BIN3: variants seen among roughly 807,000 people sequenced by gnomAD.
BIN3 encodes bridging integrator 3.
Under a neutral mutation model 38.2 loss-of-function variants are expected in BIN3, and 41 were observed. The ratio of observed to expected loss-of-function variants is 1.07; its 90% CI spans 0.84 to 1.39. The LOEUF is 1.39. Among genes scored for constraint, BIN3 ranks in the 40% most tolerant of loss-of-function variants. BIN3 has a pLI of 0.00. For synonymous variants in BIN3, 145 were observed against 122.6 expected, an observed-to-expected ratio of 1.18 and a Z score of -1.21; for missense variants, 361 against 324.3, an observed-to-expected ratio of 1.11 and a Z score of -0.87.
chr8:22,636,711 G>A (rs1358636071), intron 3 of BIN3, 125 bp from the exon 4 acceptor site: 21 of 1,110,862 alleles, frequency 1.9e-5, no homozygotes, highest in South Asian at 2.8e-5. Context: ...GACTTTTCCC[G>A]CTGACTGAAG....
chr8:22,639,100 C>A (rs981161429), intron 2 of BIN3, among the ~76,000 whole-genome samples: 5 of 152,302 alleles, frequency 3.3e-5, no homozygotes, highest in African/African-American at 1.2e-4. Flanking sequence ...TCGCCAGGGC[C>A]CTTGAAAGTC....
chr8:22,648,894 C>CATATGTATGTAT (rs369500575), intron 1 of BIN3, among the ~76,000 whole-genome samples: 9 of 147,902 alleles, frequency 6.1e-5, no homozygotes, highest in African/African-American at 2.0e-4. Flanking sequence ...TCCACATCAA[C>CATATGTATGTAT]GTATGTATGT....
chr8:22,627,486 G>T (rs1170515992), intron 6 of BIN3, among the ~76,000 whole-genome samples: 1 of 152,190 alleles, frequency 6.6e-6, no homozygotes, highest in East Asian at 1.9e-4. Flanking sequence ...GCTGCTGGCA[G>T]GGGAGGTGGA....
chr8:22,656,222 G>GA (rs1803052256), intron 1 of BIN3, among the ~76,000 whole-genome samples: 1 of 90,522 alleles, frequency 1.1e-5, no homozygotes, highest in Non-Finnish European at 2.2e-5. Flanking sequence ...TGGTCTTAAG[G>GA]GTTTTTTTTT....
At chr8:22,664,201 A>G (rs185408952) in intron 1 of BIN3, among the ~76,000 whole-genome samples, 223 of 152,342 alleles carry the variant, frequency 1.5e-3, no homozygotes, top group African/African-American at 5.0e-3. Context: ...TTCCTTAAAG[A>G]GTATAATACA....
chr8:22,633,765 G>A (rs1585184044), intron 4 of BIN3, among the ~76,000 whole-genome samples: 1 of 152,176 alleles, frequency 6.6e-6, no homozygotes, highest in South Asian at 2.1e-4. Flanking sequence ...GAGTTAGTTG[G>A]AGGCTGGAGG....
intron 8 of BIN3, chr8:22,622,758 G>A (rs1396008960): frequency 6.6e-6 from 1 of 152,448 alleles, no homozygotes; most frequent in Non-Finnish European, 1.5e-5. Flanking sequence ...GAAGAGGCAG[G>A]CCCAGGTCTC....
In BIN3 at chr8:22,652,037, C is replaced by T. The variant is rs1585199353; in HGVS notation, c.9-7234G>A. 3.4e-5 allele frequency among the ~76,000 whole-genome samples: 5 copies of T among 145,016 alleles called. 1 individual carries two copies. Among genetic ancestry groups the T allele is most frequent in the Admixed American group, 3.4e-4 (5 of 14,570 alleles). On this transcript the variant is annotated intron_variant, in intron 1 of 8. Transcript: ENST00000276416. Reference sequence around the variant, plus strand: ...ATCAGATTTTTAATTTCTAAGAGCTCTTTTAAATTTTCAGGATGTCCTTTT... The same window carrying T: ...ATCAGATTTTTAATTTCTAAGAGCTTTTTTAAATTTTCAGGATGTCCTTTT...
intron 3 of BIN3, 55 bp downstream of exon 3, chr8:22,636,866 AG>A (rs1802383760): frequency 8.9e-6 from 14 of 1,569,388 alleles, no homozygotes; most frequent in Non-Finnish European, 1.1e-5. Context: ...GAGACCTGGC[AG>A]GGGGCCCTTG....
intron 1 of BIN3, among the ~76,000 whole-genome samples, chr8:22,654,889 T>C (rs1241461302): frequency 2.0e-5 from 3 of 152,230 alleles, no homozygotes; most frequent in Admixed American, 2.0e-4. Flanking sequence ...TTTAACCTTT[T>C]GAGGATGTGC....
chr8:22,667,983 T>C (rs1803480311), intron 1 of BIN3, among the ~76,000 whole-genome samples: 1 of 152,208 alleles, frequency 6.6e-6, no homozygotes, highest in Admixed American at 6.5e-5. Context: ...ATCATGCGCT[T>C]TGCATAAACA....
At chr8:22,640,096 A>G (rs1802493934) in intron 2 of BIN3, among the ~76,000 whole-genome samples, 1 of 151,996 alleles carries the variant, frequency 6.6e-6, no homozygotes, top group Non-Finnish European at 1.5e-5. Context: ...TCCTGACCTC[A>G]GGTGATCCCC....
chr8:22,654,124 C>T (rs750991659), intron 1 of BIN3, among the ~76,000 whole-genome samples: 4 of 152,172 alleles, frequency 2.6e-5, no homozygotes, highest in African/African-American at 9.7e-5. Flanking sequence ...TTTTCTCAAA[C>T]GCCAGTTTGG....
chr8:22,637,205 C>T (rs1002444656), intron 2 of BIN3, among the ~76,000 whole-genome samples: 3 of 152,176 alleles, frequency 2.0e-5, no homozygotes, highest in African/African-American at 7.2e-5. Context: ...TGCCAGCGGA[C>T]TGTGGCTCTG....
chr8:22,651,949 TTC>T (rs1802909446), intron 1 of BIN3, among the ~76,000 whole-genome samples: 2 of 152,026 alleles, frequency 1.3e-5, no homozygotes, highest in African/African-American at 2.4e-5. Flanking sequence ...GTCCTCTAAT[TTC>T]TGTTTCTCAA....
In BIN3 at chr8:22,621,263, C is replaced by T; in HGVS notation, c.*159G>A. 9.8e-7 allele frequency: 1 copy of T among 1,018,802 alleles called. No individual in the cohort carries two copies. The highest frequency in any genetic ancestry group is 1.4e-6 in the Non-Finnish European group (1 of 715,592). The allele number at this position is 1,018,802 out of a possible 1,614,324, so 63.1% of individuals were successfully genotyped here. ...GGAGACGGCGGCCTGCCTAGGGCTC[C>T]TGGTGCCAGGCTCAGGAAGAGTCAT... On this transcript the variant is annotated 3_prime_UTR_variant, in exon 9 of 9. Transcript: ENST00000276416.
At chr8:22,640,888 G>T (rs554287361) in intron 2 of BIN3, among the ~76,000 whole-genome samples, 36 of 152,230 alleles carry the variant, frequency 2.4e-4, no homozygotes, top group African/African-American at 7.9e-4. Flanking sequence ...GTGGGAGCGC[G>T]TTTTCTACTT....
At chr8:22,655,802 C>T (rs183941401) in intron 1 of BIN3, among the ~76,000 whole-genome samples, 1 of 152,210 alleles carries the variant, frequency 6.6e-6, no homozygotes, top group African/African-American at 2.4e-5. Flanking sequence ...ATCTTTGCTG[C>T]ATTTAGAGTT....
intron 1 of BIN3, among the ~76,000 whole-genome samples, chr8:22,667,899 A>C (rs1803476777): frequency 6.6e-6 from 1 of 152,208 alleles, no homozygotes; most frequent in African/African-American, 2.4e-5. Context: ...TGCGTTCTCC[A>C]CTGATGGCCA....
Sources: allele counts gnomAD v4.1 joint callset (sites outside exome capture counted in the v4.1 genomes callset), GRCh38; gene constraint gnomAD v4.1.1; transcripts MANE v1.5; gene names NCBI Gene and HGNC (gene_info 2026-07-23, HGNC 2026-07-21).